NHS: variants seen among roughly 807,000 people sequenced by gnomAD.
NHS encodes the protein actin remodeling regulator NHS.
NHS carries 5 observed loss-of-function variants against 72.5 expected under a neutral mutation model. The ratio of observed to expected loss-of-function variants is 0.07; its 90% confidence interval spans 0.04 to 0.14. The LOEUF is 0.14. Ranked by LOEUF, NHS falls within the 10% of genes least tolerant of loss-of-function variation. The probability of loss-of-function intolerance (pLI) is 1.00; values close to 1 mark genes in which losing one functional copy is unlikely to be tolerated. For synonymous variants in NHS, 464 were observed against 547.7 expected (o/e 0.85, Z 2.13); for missense variants, 1,072 against 1,355.7 (o/e 0.79, Z 3.29).
chrX:17,673,234 AC>A (rs2066059821), intron 1 of NHS, among the ~76,000 whole-genome samples: 1 of 98,751 alleles, frequency 1.0e-5, no homozygotes, highest in East Asian at 3.3e-4. Context: ...ACACACACAC[AC>A]ACAAGAAAGC....
At chrX:17,496,860 G>C (rs753679693) in intron 1 of NHS, among the ~76,000 whole-genome samples, 10 of 111,913 alleles carry the variant, frequency 8.9e-5, no homozygotes, top group Non-Finnish European at 1.9e-4. Flanking sequence ...AGGTAAGTTT[G>C]TTTGCAGGAC....
At chrX:17,376,757 C>T (rs760748268) in intron 1 of NHS, among the ~76,000 whole-genome samples, 3 of 112,508 alleles carry the variant, frequency 2.7e-5, no homozygotes, top group Non-Finnish European at 5.6e-5. Context: ...CCACACCATG[C>T]ATGTTCAGGG....
chrX:17,706,516 C>T (rs1271568179), intron 3 of NHS, among the ~76,000 whole-genome samples: 2 of 110,819 alleles, frequency 1.8e-5, no homozygotes, highest in African/African-American at 6.6e-5. Flanking sequence ...CACACACACA[C>T]ACACACACAG....
In NHS at chrX:17,728,654, T is replaced by A; in HGVS notation, c.4228T>A (p.Ser1410Thr). The A allele has an allele frequency of 8.3e-7, 1 of 1,211,039 alleles. No individual in the cohort carries two copies. Among genetic ancestry groups the A allele is most frequent in the Non-Finnish European group, 1.1e-6 (1 of 895,107 alleles). The change falls in exon 8 of 9, where the codon TCA becomes ACA. Residue 1410 changes from serine (S) to threonine (T), a missense_variant. Ser to Thr is a moderately conservative substitution (Grantham distance 58). Transcript: ENST00000676302. ...NVDEASLKESSPSDDSIISPL... is the reference protein window; with the variant it reads ...NVDEASLKESTPSDDSIISPL... ...TCTTCTGTTCTTATTTTAAGAATCA[T>A]CACCGAGTGATGACTCCATCATTTC...
intron 1 of NHS, among the ~76,000 whole-genome samples, chrX:17,399,730 G>T (rs2064494586): frequency 8.9e-6 from 1 of 112,052 alleles, no homozygotes; most frequent in Non-Finnish European, 1.9e-5. Flanking sequence ...GAAAGATACG[G>T]ATTGTTACAG....
At chrX:17,497,310 T>C (rs184852173) in intron 1 of NHS, among the ~76,000 whole-genome samples, 17 of 112,081 alleles carry the variant, frequency 1.5e-4, no homozygotes, top group African/African-American at 3.2e-4. Context: ...TTTTAAGGGG[T>C]TGCTACCTCT....
chrX:17,411,582 CA>C (rs2064558722), intron 1 of NHS, among the ~76,000 whole-genome samples: 1 of 111,577 alleles, frequency 9.0e-6, no homozygotes, highest in Admixed American at 9.5e-5. Flanking sequence ...CCTCAAACAG[CA>C]AAAGGCCTTA....
chrX:17,678,815 TAAAG>T (rs2066104224), intron 1 of NHS, among the ~76,000 whole-genome samples: 1 of 111,443 alleles, frequency 9.0e-6, no homozygotes, highest in Admixed American at 9.5e-5. Flanking sequence ...TTGAAAGAAA[TAAAG>T]AATAAATGAA....
chrX:17,701,771 A>C (rs1395069944), intron 3 of NHS, among the ~76,000 whole-genome samples: 1 of 111,061 alleles, frequency 9.0e-6, no homozygotes, highest in Non-Finnish European at 1.9e-5. Flanking sequence ...AGCTCAGTTC[A>C]GCTGTGTGCA....
intron 1 of NHS, among the ~76,000 whole-genome samples, chrX:17,535,703 C>G (rs2065219851): frequency 9.0e-6 from 1 of 111,225 alleles, no homozygotes; most frequent in Non-Finnish European, 1.9e-5. Flanking sequence ...CTCAGCCCCC[C>G]AAGTAGCTGG....
intron 1 of NHS, among the ~76,000 whole-genome samples, chrX:17,605,068 G>T (rs2065672491): frequency 8.9e-6 from 1 of 111,914 alleles, no homozygotes; most frequent in South Asian, 3.8e-4. Flanking sequence ...ATTCTCCTCT[G>T]CTCTTACACT....
intron 1 of NHS, among the ~76,000 whole-genome samples, chrX:17,550,006 A>G (rs2065323437): frequency 8.9e-6 from 1 of 111,943 alleles, no homozygotes; most frequent in Admixed American, 9.4e-5. Flanking sequence ...CAGGGCATTT[A>G]AACTGCTTAC....
chrX:17,393,126 G>A (rs2064453552), intron 1 of NHS, among the ~76,000 whole-genome samples: 2 of 111,834 alleles, frequency 1.8e-5, no homozygotes, highest in South Asian at 3.7e-4. Context: ...TAATGCTGCT[G>A]TGAATATTCT....
At chrX:17,511,563 A>G (rs1367936174) in intron 1 of NHS, among the ~76,000 whole-genome samples, 1 of 111,980 alleles carries the variant, frequency 8.9e-6, no homozygotes, top group Non-Finnish European at 1.9e-5. Flanking sequence ...CAATAGATGT[A>G]GGGTAGGTCC....
At chrX:17,527,682 A>G (rs1205518182) in intron 1 of NHS, among the ~76,000 whole-genome samples, 1 of 112,277 alleles carries the variant, frequency 8.9e-6, no homozygotes, top group Admixed American at 9.4e-5. Context: ...TCAGGCTCCT[A>G]CGTGTTGACA....
intron 1 of NHS, among the ~76,000 whole-genome samples, chrX:17,682,413 T>C (rs1038656868): frequency 3.6e-5 from 4 of 111,449 alleles, no homozygotes; most frequent in Non-Finnish European, 7.5e-5. Context: ...CCAGAACGGA[T>C]GGTTTGTGGA....
chrX:17,476,257 G>A (rs1253134217), intron 1 of NHS, among the ~76,000 whole-genome samples: 1 of 111,840 alleles, frequency 8.9e-6, no homozygotes, highest in Non-Finnish European at 1.9e-5. Flanking sequence ...TGTAATTGGG[G>A]CTTGGGCAGA....
chrX:17,560,825 A>G (rs1209784215), intron 1 of NHS, among the ~76,000 whole-genome samples: 10 of 112,620 alleles, frequency 8.9e-5, no homozygotes, highest in African/African-American at 3.2e-4. Context: ...GTTCCTCAAC[A>G]ACTGAATTCA....
intron 1 of NHS, among the ~76,000 whole-genome samples, chrX:17,562,890 A>G (rs1308371380): frequency 9.0e-6 from 1 of 111,500 alleles, no homozygotes. Context: ...ATTGAGATAT[A>G]CTTGCCTGAA....
Sources: gnomAD v4.1 joint callset for allele counts (sites outside exome capture counted in the v4.1 genomes callset) on GRCh38, gnomAD v4.1.1 for gene constraint, MANE v1.5 for transcripts, NCBI Gene and HGNC (gene_info 2026-07-23, HGNC 2026-07-21) for gene names.